MECOM: variants seen among roughly 807,000 people sequenced by gnomAD.
The protein encoded by MECOM is histone-lysine N-methyltransferase MECOM.
A neutral mutation model predicts 116.3 loss-of-function variants in MECOM; 13 were observed. That is an observed-to-expected ratio of 0.11 (90% CI 0.07 to 0.18). MECOM has a LOEUF of 0.18. Among genes scored for constraint, MECOM ranks in the 10% least tolerant of loss-of-function variants. MECOM has a pLI of 1.00. For synonymous variants in MECOM, 528 were observed against 535.2 expected, an observed-to-expected ratio of 0.99 and a Z score of 0.19; for missense variants, 1,299 against 1,509.0, an observed-to-expected ratio of 0.86 and a Z score of 2.31.
intron 14 of MECOM, among the ~76,000 whole-genome samples, chr3:169,092,370 T>C (rs182394667): frequency 6.6e-6 from 1 of 152,038 alleles, no homozygotes; most frequent in East Asian, 1.9e-4. Context: ...GGAAACTCCA[T>C]GGGTATTTCA....
intron 1 of MECOM, among the ~76,000 whole-genome samples, chr3:169,606,130 G>A (rs1232560290): frequency 6.6e-6 from 1 of 152,158 alleles, no homozygotes; most frequent in Non-Finnish European, 1.5e-5. Flanking sequence ...AATTAAAAGA[G>A]GCCAGGTGCG....
chr3:169,359,278 A>G (rs1727803357), intron 2 of MECOM, among the ~76,000 whole-genome samples: 1 of 151,784 alleles, frequency 6.6e-6, no homozygotes, highest in Non-Finnish European at 1.5e-5. Flanking sequence ...CATAGAAACC[A>G]AAACTCTTCA....
intron 2 of MECOM, among the ~76,000 whole-genome samples, chr3:169,341,542 C>T (rs927595456): frequency 1.3e-5 from 2 of 151,148 alleles, no homozygotes; most frequent in African/African-American, 4.9e-5. Context: ...GAAATCGAGA[C>T]CATCCTGGCC....
intron 2 of MECOM, among the ~76,000 whole-genome samples, chr3:169,153,667 T>C (rs1368013211): frequency 6.6e-6 from 1 of 152,196 alleles, no homozygotes; most frequent in East Asian, 1.9e-4. Context: ...CTCATAATCT[T>C]GTGGGGAAAG....
chr3:169,450,276 G>A (rs565558763), intron 1 of MECOM, among the ~76,000 whole-genome samples: 65 of 152,220 alleles, frequency 4.3e-4, no homozygotes, highest in Non-Finnish European at 7.9e-4. Context: ...GGAAATTCAC[G>A]ATTTAGTACT....
At chr3:169,584,653 T>C (rs1015225955) in intron 1 of MECOM, among the ~76,000 whole-genome samples, 1 of 152,120 alleles carries the variant, frequency 6.6e-6, no homozygotes, top group Non-Finnish European at 1.5e-5. Flanking sequence ...CTTAGACTTG[T>C]AGTACATTTC....
chr3:169,641,963 C>G (rs894665819), intron 1 of MECOM, among the ~76,000 whole-genome samples: 7 of 152,148 alleles, frequency 4.6e-5, no homozygotes, highest in African/African-American at 1.4e-4. Context: ...GAATTAAGCT[C>G]TCTTTTAATG....
At chr3:169,143,625 T>A (rs1738807565) in intron 3 of MECOM, 73 bp downstream of exon 3, 1 of 1,422,398 alleles carries the variant, frequency 7.0e-7, no homozygotes, top group African/African-American at 1.5e-5. Flanking sequence ...CAGCTTACTG[T>A]TATTTTTATT....
chr3:169,122,433 CT>C, intron 6 of MECOM, 146 bp downstream of exon 6: 2 of 864,418 alleles, frequency 2.3e-6, no homozygotes. Flanking sequence ...CTACTAATGC[CT>C]TTTAGCATAC....
chr3:169,108,092 T>C (rs1439694204), intron 9 of MECOM, 140 bp from the exon 10 acceptor site: 2 of 572,558 alleles, frequency 3.5e-6, no homozygotes, highest in Non-Finnish European at 6.0e-6. Flanking sequence ...GTAAAAGCTT[T>C]GGAAATAAAA....
chr3:169,144,875 G>C, intron 2 of MECOM: 1 of 729,304 alleles, frequency 1.4e-6, no homozygotes, highest in Non-Finnish European at 2.3e-6. Flanking sequence ...AACTCCTACA[G>C]ATCTCTGCTG....
At chr3:169,581,703 T>TG (rs2109541472) in intron 1 of MECOM, among the ~76,000 whole-genome samples, 1 of 152,252 alleles carries the variant, frequency 6.6e-6, no homozygotes, top group African/African-American at 2.4e-5. Flanking sequence ...ATTTCAGGAC[T>TG]GGGGGTGGGA....
chr3:169,605,515 T>C (rs1768416967), intron 1 of MECOM, among the ~76,000 whole-genome samples: 1 of 152,210 alleles, frequency 6.6e-6, no homozygotes, highest in Non-Finnish European at 1.5e-5. Flanking sequence ...TAGCCCTGTG[T>C]GCTACAGTGA....
intron 2 of MECOM, among the ~76,000 whole-genome samples, chr3:169,187,105 T>C (rs1441821126): frequency 6.6e-6 from 1 of 152,154 alleles, no homozygotes; most frequent in Non-Finnish European, 1.5e-5. Context: ...TTCTTTGGAA[T>C]CCAGCACACA....
intron 2 of MECOM, among the ~76,000 whole-genome samples, chr3:169,301,421 C>A (rs1716693408): frequency 6.6e-6 from 1 of 152,124 alleles, no homozygotes; most frequent in African/African-American, 2.4e-5. Flanking sequence ...TATCATAATG[C>A]AGAAAATAAG....
intron 1 of MECOM, among the ~76,000 whole-genome samples, chr3:169,430,336 C>T (rs1337283787): frequency 6.6e-6 from 1 of 152,126 alleles, no homozygotes; most frequent in Non-Finnish European, 1.5e-5. Context: ...AATTAAAACA[C>T]AACTCTAGAT....
At chr3:169,387,131 A>G (rs1408026349) in intron 1 of MECOM, among the ~76,000 whole-genome samples, 1 of 152,006 alleles carries the variant, frequency 6.6e-6, no homozygotes, top group Non-Finnish European at 1.5e-5. Context: ...TGTGATTTTT[A>G]CATTTTTCTT....
At chr3:169,568,051 G>A (rs1438399736) in intron 1 of MECOM, among the ~76,000 whole-genome samples, 1 of 152,138 alleles carries the variant, frequency 6.6e-6, no homozygotes, top group Non-Finnish European at 1.5e-5. Flanking sequence ...GTTGGACAGT[G>A]GGTGCAGCCC....
Position 169,083,598 on chromosome 3 carries a change from A to C in MECOM, c.*1311T>G. ...TTATATTGTACAAAGCATTTGAAGA[A>C]AGTACCTCAACTTGCTGATTATTTC... is the stretch of plus-strand genomic sequence containing the variant. On this transcript the variant is annotated 3_prime_UTR_variant, in exon 17 of 17. Coordinates refer to ENST00000651503, the MANE Select transcript of MECOM (RefSeq NM_004991.4). The C allele has an allele frequency of 5.2e-6, 1 of 193,026 alleles. No homozygotes were observed. Among genetic ancestry groups the C allele is most frequent in the Non-Finnish European group, 1.1e-5 (1 of 92,080 alleles). 12.0% of individuals were successfully genotyped at this position (193,026 alleles called of 1,614,324 possible).
Sources: gnomAD v4.1 joint callset for allele counts (sites outside exome capture counted in the v4.1 genomes callset) on GRCh38, gnomAD v4.1.1 for gene constraint, MANE v1.5 for transcripts, NCBI Gene and HGNC (gene_info 2026-07-23, HGNC 2026-07-21) for gene names.